Variants in MEGF11 observed in about 807,000 individuals in gnomAD.
The protein encoded by MEGF11 is multiple epidermal growth factor-like domains protein 11.
Under a neutral mutation model 146.6 loss-of-function variants are expected in MEGF11, and 126 were observed. The observed-to-expected ratio is 0.86, with a 90% CI of 0.74 to 1.00. The LOEUF (loss-of-function observed/expected upper bound fraction) is 1.00, where lower values mean the gene tolerates loss of function less well. Among genes scored for constraint, MEGF11 ranks in the 50% least tolerant of loss-of-function variants. MEGF11 has a pLI of 0.00. For missense variants in MEGF11, 1,509 were observed against 1,521.2 expected, an observed-to-expected ratio of 0.99 and a Z score of 0.13; for synonymous variants, 532 against 583.4, an observed-to-expected ratio of 0.91 and a Z score of 1.27.
chr15:66,079,907 A>G (rs2085774109), intron 5 of MEGF11, among the ~76,000 whole-genome samples: 1 of 152,066 alleles, frequency 6.6e-6, no homozygotes, highest in African/African-American at 2.4e-5. Flanking sequence ...GGCTCCCACA[A>G]GGGCGGGGCT....
intron 1 of MEGF11, among the ~76,000 whole-genome samples, chr15:66,141,980 C>T (rs757832902): frequency 2.6e-5 from 4 of 151,824 alleles, no homozygotes; most frequent in South Asian, 2.1e-4. Context: ...GGGGGATCGG[C>T]GGCAATAACT....
rs981522208 is a variant in MEGF11, at chr15:65,924,375, G to C, written c.1676-1406C>G. Among the ~76,000 whole-genome samples, 526 of 111,794 alleles carry C rather than the reference G, an allele frequency of 4.7e-3. 8 individuals are homozygous for C. Among genetic ancestry groups the C allele is most frequent in the African/African-American group, 0.016 (512 of 31,904 alleles). 73.3% of individuals were successfully genotyped at this position (111,794 alleles called of 152,430 possible). On this transcript the variant is annotated intron_variant, in intron 13 of 25. Coordinates refer to ENST00000395614, the MANE Select transcript of MEGF11 (RefSeq NM_001385028.1). Reference sequence around the variant, plus strand: ...CGGGTGGGTAGGTGGGGTGTGGGTGGGGGGGGGGGCAAGTGGTTTCCTCCC... The same window carrying C: ...CGGGTGGGTAGGTGGGGTGTGGGTGCGGGGGGGGGCAAGTGGTTTCCTCCC...
At chr15:65,904,628 G>A (rs1596814074) in intron 24 of MEGF11, among the ~76,000 whole-genome samples, 1 of 152,196 alleles carries the variant, frequency 6.6e-6, no homozygotes, top group African/African-American at 2.4e-5. Context: ...GTGTCTTGGT[G>A]TATGTAAAAC....
At chr15:65,971,147 G>A (rs1007731538) in intron 7 of MEGF11, 4 of 163,034 alleles carry the variant, frequency 2.5e-5, no homozygotes, top group African/African-American at 9.6e-5. Context: ...GAGTCAAAGG[G>A]GTACAGGTAT....
intron 8 of MEGF11, 64 bp downstream of exon 8, chr15:65,970,489 C>T: frequency 6.4e-7 from 1 of 1,557,272 alleles, no homozygotes; most frequent in Non-Finnish European, 8.8e-7. Flanking sequence ...GAGCTGTTCT[C>T]TGCAAGTCTC....
chr15:66,061,590 T>G (rs4371110), intron 5 of MEGF11, among the ~76,000 whole-genome samples: 135,872 of 151,496 alleles, frequency 0.9, 61,749 homozygotes, highest in East Asian at 0.98. Context: ...TGGCTGGTGA[T>G]TAGGGGCACA....
At chr15:66,174,617 G>A (rs972029646) in intron 1 of MEGF11, among the ~76,000 whole-genome samples, 4 of 151,588 alleles carry the variant, frequency 2.6e-5, no homozygotes, top group Admixed American at 1.3e-4. Flanking sequence ...CTGCATTCTA[G>A]ATGATCCCAA....
At chr15:65,988,875 C>T (rs1440876905) in intron 5 of MEGF11, among the ~76,000 whole-genome samples, 1 of 152,144 alleles carries the variant, frequency 6.6e-6, no homozygotes, top group Non-Finnish European at 1.5e-5. Context: ...CAGCGGGGCA[C>T]AAGAAGAGCT....
chr15:66,019,942 A>G (rs760858036), intron 5 of MEGF11, among the ~76,000 whole-genome samples: 1 of 151,902 alleles, frequency 6.6e-6, no homozygotes, highest in Non-Finnish European at 1.5e-5. Flanking sequence ...TCAATCCTTC[A>G]CCTGCCCATT....
At chr15:66,154,794 G>A in intron 1 of MEGF11, among the ~76,000 whole-genome samples, 1 of 152,168 alleles carries the variant, frequency 6.6e-6, no homozygotes, top group Non-Finnish European at 1.5e-5. Context: ...CTTTTCAGTT[G>A]ATGAACCTTG....
chr15:65,918,813 C>T (rs2079083915), intron 15 of MEGF11, among the ~76,000 whole-genome samples: 1 of 152,222 alleles, frequency 6.6e-6, no homozygotes, highest in African/African-American at 2.4e-5. Flanking sequence ...CTGCAAAGCT[C>T]TTTTAGGACT....
chr15:65,926,919 C>T (rs1291089082), intron 13 of MEGF11, among the ~76,000 whole-genome samples: 1 of 152,150 alleles, frequency 6.6e-6, no homozygotes, highest in South Asian at 2.1e-4. Flanking sequence ...CGGGCAGGAG[C>T]CAGCAGGGCA....
intron 1 of MEGF11, among the ~76,000 whole-genome samples, chr15:66,165,979 C>T (rs994751534): frequency 6.6e-6 from 1 of 152,284 alleles, no homozygotes. Flanking sequence ...AGGAGGAAGT[C>T]ACAAAGCCCC....
At chr15:66,119,046 C>T in intron 4 of MEGF11, 40 bp downstream of exon 4, 1 of 1,417,320 alleles carries the variant, frequency 7.1e-7, no homozygotes, top group Non-Finnish European at 9.7e-7. Context: ...CCTCTCCTCC[C>T]TTCCCCACTG....
chr15:66,093,462 G>A (rs766544499), intron 5 of MEGF11, among the ~76,000 whole-genome samples: 1 of 152,202 alleles, frequency 6.6e-6, no homozygotes, highest in Non-Finnish European at 1.5e-5. Flanking sequence ...CAAGATGGGC[G>A]AATAATCGGG....
At chr15:66,081,461 C>T (rs1272362171) in intron 5 of MEGF11, among the ~76,000 whole-genome samples, 1 of 152,168 alleles carries the variant, frequency 6.6e-6, no homozygotes, top group East Asian at 1.9e-4. Context: ...TCACTGCAAC[C>T]TCCGCCTCCC....
intron 4 of MEGF11, among the ~76,000 whole-genome samples, chr15:66,096,690 C>G (rs1306938010): frequency 1.3e-5 from 2 of 152,192 alleles, no homozygotes; most frequent in Non-Finnish European, 2.9e-5. Context: ...CTCAGCACCA[C>G]ACAGGTTAGG....
intron 5 of MEGF11, among the ~76,000 whole-genome samples, chr15:65,991,490 G>T (rs924478742): frequency 2.0e-5 from 3 of 152,208 alleles, no homozygotes; most frequent in Non-Finnish European, 2.9e-5. Context: ...TTTGCTATGG[G>T]GAACCATCCT....
In MEGF11 at chr15:66,022,753, C is replaced by G. The variant is rs190058927; in HGVS notation, c.395-40265G>C. On this transcript the variant is annotated intron_variant, in intron 5 of 25. Transcript: ENST00000395614. The stretch of plus-strand genomic sequence containing the variant: ...GCTGAGGTGGGAGCATCACTTGAGC[C>G]TGGGGTTGGGGGTGGAGGGTGGGGG... 7.1e-3 allele frequency among the ~76,000 whole-genome samples: 1,040 copies of G among 146,652 alleles called. 3 individuals are homozygous for G. The highest frequency in any genetic ancestry group is 9.1e-3 in the Non-Finnish European group (617 of 67,464).
Sources: gnomAD v4.1 joint callset for allele counts (sites outside exome capture counted in the v4.1 genomes callset) on GRCh38, gnomAD v4.1.1 for gene constraint, MANE v1.5 for transcripts, NCBI Gene and HGNC (gene_info 2026-07-23, HGNC 2026-07-21) for gene names.